Variants in NBAS observed in about 807,000 individuals in gnomAD.
NBAS encodes the protein NAG/BC035112 fusion.
A neutral mutation model predicts 302.5 loss-of-function variants in NBAS; 219 were observed. That is an observed-to-expected ratio of 0.72 (90% CI 0.65 to 0.81). The LOEUF is 0.81. Among genes scored for constraint, NBAS ranks in the 30% least tolerant of loss-of-function variants. NBAS has a pLI of 0.00. For missense variants in NBAS, 2,932 were observed against 2,841.6 expected (o/e 1.03, Z -0.72); for synonymous variants, 1,118 against 1,021.6 (o/e 1.09, Z -1.80).
the NBAS span, among the ~76,000 whole-genome samples, chr2:14,845,809 T>C: frequency 6.6e-6 from 1 of 151,664 alleles, no homozygotes; most frequent in African/African-American, 2.4e-5. Context: ...ATTGATTAAG[T>C]AGAAGAAAGA....
the NBAS span, among the ~76,000 whole-genome samples, chr2:14,918,779 A>G: frequency 6.6e-6 from 1 of 152,102 alleles, no homozygotes; most frequent in Non-Finnish European, 1.5e-5. Context: ...AGAGAAGGCT[A>G]AGTTTAAAGC....
chr2:15,187,932 G>A (rs185900023), intron 49 of NBAS, among the ~76,000 whole-genome samples: 1 of 152,302 alleles, frequency 6.6e-6, no homozygotes, highest in Non-Finnish European at 1.5e-5. Context: ...CTTACTTCAA[G>A]GTACACACAG....
At chr2:15,161,449 C>T in the NBAS span, among the ~76,000 whole-genome samples, 1 of 152,154 alleles carries the variant, frequency 6.6e-6, no homozygotes, top group Non-Finnish European at 1.5e-5. Flanking sequence ...TTTTAAGTAA[C>T]AGGACAAACT....
chr2:14,809,360 G>C, the NBAS span, among the ~76,000 whole-genome samples: 1 of 152,208 alleles, frequency 6.6e-6, no homozygotes, highest in Non-Finnish European at 1.5e-5. Flanking sequence ...ATCCCAAGCT[G>C]TGTGCAGCCT....
At chr2:15,526,285 T>G (rs929624564) in intron 9 of NBAS, among the ~76,000 whole-genome samples, 11 of 152,164 alleles carry the variant, frequency 7.2e-5, no homozygotes, top group Admixed American at 3.3e-4. Flanking sequence ...AATCCACATA[T>G]TCATAGAGCT....
chr2:14,809,801 C>G, the NBAS span, among the ~76,000 whole-genome samples: 1 of 152,188 alleles, frequency 6.6e-6, no homozygotes, highest in East Asian at 1.9e-4. Flanking sequence ...TCAGCACCAG[C>G]CTGTGAAAGC....
the NBAS span, among the ~76,000 whole-genome samples, chr2:14,986,669 GA>G: frequency 6.6e-6 from 1 of 152,028 alleles, no homozygotes. Flanking sequence ...CTTACCACTT[GA>G]AGTTTATTTA....
At chr2:15,164,219 G>A (rs1299984710), downstream of NBAS, among the ~76,000 whole-genome samples, 1 of 152,210 alleles carries the variant, frequency 6.6e-6, no homozygotes, top group Non-Finnish European at 1.5e-5. Flanking sequence ...GATATTATCA[G>A]TCCCTGAACA....
intron 21 of NBAS, among the ~76,000 whole-genome samples, chr2:15,445,908 A>G (rs956160539): frequency 6.9e-5 from 6 of 87,102 alleles, no homozygotes; most frequent in African/African-American, 2.5e-4. Flanking sequence ...AGTCTCGGAG[A>G]TTAAAAAAAA....
At chr2:15,189,237 C>A (rs1476732673) in intron 49 of NBAS, among the ~76,000 whole-genome samples, 1 of 152,148 alleles carries the variant, frequency 6.6e-6, no homozygotes, top group Non-Finnish European at 1.5e-5. Context: ...AGAAACATTT[C>A]TTTTCTTTCT....
intron 51 of NBAS, among the ~76,000 whole-genome samples, chr2:15,170,621 T>G (rs1205104016): frequency 6.6e-6 from 1 of 152,214 alleles, no homozygotes; most frequent in Non-Finnish European, 1.5e-5. Flanking sequence ...TTCCTTTCTC[T>G]GACATTCTAC....
chr2:14,781,733 T>C, the NBAS span, among the ~76,000 whole-genome samples: 1 of 129,338 alleles, frequency 7.7e-6, no homozygotes, highest in Non-Finnish European at 1.5e-5. Context: ...TCTATGTCTA[T>C]GAGCTATTGT....
chr2:14,998,202 C>T, the NBAS span, among the ~76,000 whole-genome samples: 1 of 152,318 alleles, frequency 6.6e-6, no homozygotes, highest in African/African-American at 2.4e-5. Flanking sequence ...CACGATAGTG[C>T]ACTAGGTGGT....
chr2:15,222,599 C>T (rs1666993476), intron 47 of NBAS, among the ~76,000 whole-genome samples: 1 of 152,154 alleles, frequency 6.6e-6, no homozygotes, highest in Non-Finnish European at 1.5e-5. Context: ...GTTATCATCT[C>T]CAATTTGTAG....
At chr2:15,037,923 T>TA in the NBAS span, among the ~76,000 whole-genome samples, 2 of 152,276 alleles carry the variant, frequency 1.3e-5, 1 homozygote, top group South Asian at 4.1e-4. Context: ...ACATACTTGC[T>TA]AATTGTGGTG....
At chr2:15,256,024 T>A (rs1342761384) in intron 44 of NBAS, among the ~76,000 whole-genome samples, 1 of 152,212 alleles carries the variant, frequency 6.6e-6, no homozygotes, top group East Asian at 1.9e-4. Flanking sequence ...TTAGTCTTGC[T>A]TTGGCTATGA....
chr2:15,295,989 T>C (rs1210614345), intron 40 of NBAS, among the ~76,000 whole-genome samples: 1 of 150,690 alleles, frequency 6.6e-6, no homozygotes, highest in Non-Finnish European at 1.5e-5. Flanking sequence ...TGAAAACAAA[T>C]TGGACACAGA....
chr2:15,387,131 A>C, intron 28 of NBAS, among the ~76,000 whole-genome samples: 1 of 149,618 alleles, frequency 6.7e-6, no homozygotes, highest in Admixed American at 6.7e-5. Context: ...GCAGTGGTGC[A>C]ATCTCAGCTC....
chr2:15,402,425 G>A, intron 25 of NBAS, 124 bp from the exon 26 acceptor site: 1 of 946,988 alleles, frequency 1.1e-6, no homozygotes, highest in Non-Finnish European at 1.6e-6. Flanking sequence ...AACAAGTCTT[G>A]ATTTTTCTTT....
Sources: gnomAD v4.1 joint callset for allele counts (sites outside exome capture counted in the v4.1 genomes callset) on GRCh38, gnomAD v4.1.1 for gene constraint, MANE v1.5 for transcripts, NCBI Gene and HGNC (gene_info 2026-07-23, HGNC 2026-07-21) for gene names.